Variants in OIT3 observed in about 807,000 individuals in gnomAD.
OIT3 encodes oncoprotein induced transcript 3.
Under a neutral mutation model 52.2 loss-of-function variants are expected in OIT3, and 41 were observed. That is an observed-to-expected ratio of 0.79 (90% CI 0.61 to 1.02). The LOEUF (loss-of-function observed/expected upper bound fraction) is 1.02. OIT3 is among the 50% of genes least tolerant of loss of function. OIT3 has a pLI of 0.00. For synonymous variants in OIT3, 244 were observed against 276.9 expected (o/e 0.88, Z 1.18); for missense variants, 634 against 715.5 (o/e 0.89, Z 1.30).
chr10:72,922,888 T>A (rs1846133632), intron 6 of OIT3, among the ~76,000 whole-genome samples: 2 of 152,178 alleles, frequency 1.3e-5, no homozygotes, highest in African/African-American at 4.8e-5. Context: ...CTCCCACTTT[T>A]TTTTGAGATG....
intron 6 of OIT3, among the ~76,000 whole-genome samples, chr10:72,913,881 T>C (rs1846052034): frequency 6.6e-6 from 1 of 152,200 alleles, no homozygotes; most frequent in Admixed American, 6.5e-5. Flanking sequence ...TATACTTTCA[T>C]CCAAAAATCT....
Position 72,919,303 on chromosome 10 carries a change from A to G in OIT3, c.952-4926A>G, listed in dbSNP as rs537859104. 6.6e-5 allele frequency among the ~76,000 whole-genome samples: 10 copies of G among 152,210 alleles called. No individual in the cohort carries two copies. The East Asian group carries it at 1.9e-3, about 29-fold the overall frequency. ...GGCATTTTTGCACCATTGATTTTGT[A>G]TTCTGAGACTGCTGAAGTTGTTTAT... On this transcript the variant is annotated intron_variant, in intron 6 of 8. Transcript: ENST00000334011.
Position 72,911,744 on chromosome 10 carries a change from G to C in OIT3, c.695G>C (p.Gly232Ala), listed in dbSNP as rs1293247877. 6.2e-7 allele frequency: 1 copy of C among 1,613,704 alleles called. No individual in the cohort carries two copies. The highest frequency in any genetic ancestry group is 1.3e-5 in the African/African-American group (1 of 75,018). ...EDVEGCHNNNGGCSHSCLGSE... is the reference protein window; with the variant it reads ...EDVEGCHNNNAGCSHSCLGSE... ...GTTGAAGGATGCCACAATAACAATG[G>C]TGGCTGCAGCCACTCTTGCCTTGGA... Residue 232 changes from glycine to alanine, a missense_variant, in exon 5 of 9, where the codon GGT (glycine) becomes GCT (alanine). Gly to Ala is a moderately conservative substitution (Grantham distance 60). Coordinates refer to ENST00000334011, the MANE Select transcript of OIT3 (RefSeq NM_152635.3).
intron 4 of OIT3, among the ~76,000 whole-genome samples, chr10:72,910,746 C>G (rs1247426498): frequency 6.6e-6 from 1 of 152,150 alleles, no homozygotes; most frequent in Non-Finnish European, 1.5e-5. Context: ...TTACTTTAAC[C>G]TAGAACAGGG....
intron 4 of OIT3, among the ~76,000 whole-genome samples, chr10:72,909,509 T>A (rs1278885832): frequency 1.3e-5 from 2 of 152,162 alleles, no homozygotes; most frequent in East Asian, 1.9e-4. Flanking sequence ...AGTGAGAACA[T>A]GCAGTATTTT....
At chr10:72,906,533 G>A (rs534918813) in intron 3 of OIT3, 63 bp from the exon 4 acceptor site, 19 of 1,592,046 alleles carry the variant, frequency 1.2e-5, no homozygotes, top group African/African-American at 6.7e-5. Flanking sequence ...AATTCTGCCC[G>A]GGGGGTTGGG....
chr10:72,905,281 G>A (rs79730301), intron 3 of OIT3, among the ~76,000 whole-genome samples: 2 of 152,146 alleles, frequency 1.3e-5, no homozygotes, highest in Non-Finnish European at 2.9e-5. Context: ...GACCAGCCTG[G>A]CCAACATGGT....
intron 6 of OIT3, chr10:72,918,535 C>T (rs1302966213): frequency 2.1e-5 from 30 of 1,401,146 alleles, no homozygotes; most frequent in Admixed American, 5.1e-5. Context: ...AATCTTCCAT[C>T]GGGTGGCGGC....
intron 2 of OIT3, 127 bp downstream of exon 2, chr10:72,899,165 C>A (rs1845904516): frequency 1.3e-6 from 1 of 760,534 alleles, no homozygotes; most frequent in Non-Finnish European, 2.1e-6. Flanking sequence ...TGATGTGGGG[C>A]TAAAGATACC....
intron 6 of OIT3, chr10:72,917,936 AGATTT>A: frequency 1.0e-6 from 1 of 988,294 alleles, no homozygotes; most frequent in Non-Finnish European, 1.6e-6. Flanking sequence ...TATCTTGTAT[AGATTT>A]CTTCACTGGT....
intron 6 of OIT3, among the ~76,000 whole-genome samples, chr10:72,916,834 G>A (rs1240237011): frequency 6.6e-6 from 1 of 152,078 alleles, no homozygotes; most frequent in Non-Finnish European, 1.5e-5. Context: ...AACCTCACCA[G>A]CATGTTATTT....
intron 7 of OIT3, among the ~76,000 whole-genome samples, chr10:72,929,638 C>T (rs538440162): frequency 6.6e-6 from 1 of 151,742 alleles, no homozygotes; most frequent in African/African-American, 2.4e-5. Context: ...AACTCTGGGG[C>T]TCAAGCAATC....
In OIT3 at chr10:72,913,532, C is replaced by CAGAGGT. The variant is rs1206975954; in HGVS notation, c.951+66_951+71dup. On this transcript the variant is annotated intron_variant, in intron 6 of 8. Coordinates refer to ENST00000334011, the MANE Select transcript of OIT3 (RefSeq NM_152635.3). ...AGCCGGTTATTTGGGAGGCAGTGGA[C>CAGAGGT]AGAGGTATGCCATGTGGCTTGTGTC... 3.9e-6 allele frequency: 5 copies of CAGAGGT among 1,284,368 alleles called. No homozygotes were observed. The African/African-American group carries it at 7.3e-5, about 19-fold the overall frequency. 79.6% of individuals were successfully genotyped at this position (1,284,368 alleles called of 1,614,324 possible).
rs1348555388 is a variant in OIT3 at position 72,893,862 on chromosome 10, G to C, written c.61+3G>C. ...AGGCACCTCCGTGTCACCCGTGGGT[G>C]AGTCTCATGTCAAGAACTTGGCACA... On this transcript the variant is annotated splice_donor_region_variant and intron_variant, in intron 1 of 8. Coordinates refer to ENST00000334011, the MANE Select transcript of OIT3 (RefSeq NM_152635.3). The C allele has an allele frequency of 6.2e-7, 1 of 1,607,644 alleles. No individual in the cohort carries two copies. Among genetic ancestry groups the C allele is most frequent in the Non-Finnish European group, 8.5e-7 (1 of 1,177,110 alleles).
At chr10:72,929,529 G>C (rs1846197164) in intron 7 of OIT3, among the ~76,000 whole-genome samples, 1 of 151,444 alleles carries the variant, frequency 6.6e-6, no homozygotes, top group Non-Finnish European at 1.5e-5. Context: ...TCGTGCCTCA[G>C]CCTCCTGAGT....
Position 72,897,470 on chromosome 10 carries a change from T to A in OIT3, c.62-1194T>A, listed in dbSNP as rs192321731. Among the ~76,000 whole-genome samples the A allele has an allele frequency of 2.6e-5, 4 of 152,350 alleles. 1 individual carries two copies. Among genetic ancestry groups the A allele is most frequent in the African/African-American group, 9.6e-5 (4 of 41,574 alleles). On this transcript the variant is annotated intron_variant, in intron 1 of 8. Transcript: ENST00000334011. ...TAGTAATGCCATGGTTAACTGTGAA[T>A]ACACAAAGTTCTTGGTATTTTCAAT...
At chr10:72,927,391 C>T (rs1181055579) in intron 7 of OIT3, among the ~76,000 whole-genome samples, 2 of 152,152 alleles carry the variant, frequency 1.3e-5, no homozygotes, top group African/African-American at 4.8e-5. Context: ...CCACCTGCCT[C>T]GGCCTCCCAA....
rs755563913 is a variant in OIT3 at position 72,932,402 on chromosome 10, C to T, written c.1516C>T (p.Arg506Cys). The T allele has an allele frequency of 3.3e-5, 53 of 1,614,056 alleles. No homozygotes were observed. The Admixed American group carries it at 5.5e-4, about 17-fold the overall frequency. Residue 506 changes from arginine to cysteine, a missense_variant, in exon 9 of 9, where the codon CGT becomes TGT. Coordinates refer to ENST00000334011, the MANE Select transcript of OIT3 (RefSeq NM_152635.3). The part of the protein sequence containing the change: ...RVLVCGVLDE[R>C]SRCAQGCHRR... ...TCTTGTCTGTGGAGTGTTGGACGAGCGTTCCCGCTGTGCCCAGGGTTGCCA... is the reference window on the plus strand; with the variant it reads ...TCTTGTCTGTGGAGTGTTGGACGAGTGTTCCCGCTGTGCCCAGGGTTGCCA...
intron 7 of OIT3, among the ~76,000 whole-genome samples, chr10:72,926,256 A>C (rs1411690588): frequency 6.6e-6 from 1 of 152,104 alleles, no homozygotes; most frequent in Non-Finnish European, 1.5e-5. Flanking sequence ...CTTGTTTTTC[A>C]CTACAGCCAG....
Sources: allele counts gnomAD v4.1 joint callset (sites outside exome capture counted in the v4.1 genomes callset), GRCh38; gene constraint gnomAD v4.1.1; transcripts MANE v1.5; gene names NCBI Gene and HGNC (gene_info 2026-07-23, HGNC 2026-07-21).